Variants in PALM2AKAP2 observed in about 807,000 individuals in gnomAD.
The protein encoded by PALM2AKAP2 is PALM2-AKAP2 fusion protein.
Under a neutral mutation model 71.5 loss-of-function variants are expected in PALM2AKAP2, and 37 were observed. That is an observed-to-expected ratio of 0.52 (90% CI 0.40 to 0.68). The LOEUF (loss-of-function observed/expected upper bound fraction) is 0.68. Among genes scored for constraint, PALM2AKAP2 ranks in the 30% least tolerant of loss-of-function variants. The pLI is 0.00. For missense variants in PALM2AKAP2, 1,224 were observed against 1,191.8 expected (o/e 1.03, Z -0.40); for synonymous variants, 468 against 478.8 (o/e 0.98, Z 0.29).
At chr9:110,026,998 G>A (rs372574500) in intron 7 of PALM2AKAP2, among the ~76,000 whole-genome samples, 3 of 152,114 alleles carry the variant, frequency 2.0e-5, no homozygotes, top group African/African-American at 4.8e-5. Context: ...AGCCGAGATC[G>A]CGCCACTGCA....
intron 1 of PALM2AKAP2, among the ~76,000 whole-genome samples, chr9:109,817,412 G>A (rs1449030785): frequency 6.6e-6 from 1 of 152,210 alleles, no homozygotes; most frequent in African/African-American, 2.4e-5. Context: ...AGGGTAGCAC[G>A]TCTAATCTAA....
At chr9:109,698,000 A>G (rs1827997158) in intron 1 of PALM2AKAP2, among the ~76,000 whole-genome samples, 1 of 152,198 alleles carries the variant, frequency 6.6e-6, no homozygotes, top group Admixed American at 6.5e-5. Flanking sequence ...CAAATTATAC[A>G]CACACATCTG....
rs868203636 is a variant in PALM2AKAP2 at position 110,141,245 on chromosome 9, T to G, written c.2569+2706T>G. On this transcript the variant is annotated intron_variant, in intron 2 of 3. Transcript: ENST00000374525. ...ACCCAGTATCAATCTCCCCAGTACT[T>G]CCCTCTATGCTAATGCTGATCTCTT... is the stretch of plus-strand genomic sequence containing the variant. Among the ~76,000 whole-genome samples the G allele has an allele frequency of 3.9e-5, 6 of 152,178 alleles. No individual in the cohort carries two copies. In the South Asian group the frequency reaches 6.2e-4, roughly 16 times the overall value.
chr9:109,850,051 C>T (rs370816409), intron 1 of PALM2AKAP2, among the ~76,000 whole-genome samples: 25 of 152,272 alleles, frequency 1.6e-4, no homozygotes, highest in African/African-American at 4.8e-4. Context: ...ATGGGTTTCA[C>T]GGGCCCTCAG....
intron 1 of PALM2AKAP2, among the ~76,000 whole-genome samples, chr9:109,663,294 G>A (rs926380202): frequency 6.6e-6 from 1 of 152,130 alleles, no homozygotes; most frequent in African/African-American, 2.4e-5. Flanking sequence ...GTTGATTTTA[G>A]ATCTTTCCTG....
intron 2 of PALM2AKAP2, among the ~76,000 whole-genome samples, chr9:110,150,509 G>A (rs998474280): frequency 6.6e-6 from 1 of 152,086 alleles, no homozygotes; most frequent in African/African-American, 2.4e-5. Context: ...GACCCTCCTA[G>A]TTCCCTCCTA....
At chr9:110,079,941 G>A (rs1399670027) in intron 1 of PALM2AKAP2, among the ~76,000 whole-genome samples, 1 of 151,688 alleles carries the variant, frequency 6.6e-6, no homozygotes, top group Non-Finnish European at 1.5e-5. Flanking sequence ...GTGGTGGCAG[G>A]ATCCTGTAAT....
At chr9:109,912,708 A>G (rs1018839776) in intron 3 of PALM2AKAP2, among the ~76,000 whole-genome samples, 2 of 108,386 alleles carry the variant, frequency 1.8e-5, no homozygotes, top group Non-Finnish European at 4.6e-5. Flanking sequence ...GCTAGATTAG[A>G]TAGATAGATA....
chr9:109,848,977 G>A (rs1244363550), intron 1 of PALM2AKAP2, among the ~76,000 whole-genome samples: 1 of 152,000 alleles, frequency 6.6e-6, no homozygotes, highest in Non-Finnish European at 1.5e-5. Context: ...AATATTTATA[G>A]TGTTAACTTT....
intron 3 of PALM2AKAP2, among the ~76,000 whole-genome samples, chr9:109,908,901 A>G (rs1244058553): frequency 6.6e-6 from 1 of 151,240 alleles, no homozygotes; most frequent in East Asian, 2.0e-4. Context: ...TTTAGGCACA[A>G]TGAGTAAACA....
At chr9:109,805,530 A>C (rs1226983590) in intron 1 of PALM2AKAP2, among the ~76,000 whole-genome samples, 2 of 152,192 alleles carry the variant, frequency 1.3e-5, no homozygotes, top group East Asian at 3.8e-4. Flanking sequence ...CACTGGAAAC[A>C]CAAATGTACA....
intron 1 of PALM2AKAP2, among the ~76,000 whole-genome samples, chr9:109,747,277 A>G (rs1282841369): frequency 1.3e-5 from 2 of 152,190 alleles, no homozygotes; most frequent in Non-Finnish European, 2.9e-5. Context: ...CCCCCAGGCC[A>G]CCACGCTGAT....
chr9:109,734,516 T>C (rs1828601332), intron 1 of PALM2AKAP2, among the ~76,000 whole-genome samples: 1 of 152,224 alleles, frequency 6.6e-6, no homozygotes, highest in South Asian at 2.1e-4. Flanking sequence ...TCTACCACAT[T>C]GATGTAATAG....
rs144860157 is a variant in PALM2AKAP2 at position 109,830,847 on chromosome 9, C to T, written c.46-36644C>T. ...CTGAAGGTCACGCAGTCAGCATTGA[C>T]GAAGTCTACACTAGAATCCAGGCCT... On this transcript the variant is annotated intron_variant, in intron 1 of 9. Transcript: ENST00000302798. Among the ~76,000 whole-genome samples, 745 of 152,232 alleles carry T rather than the reference C, an allele frequency of 4.9e-3. 2 individuals are homozygous for T. The highest frequency in any genetic ancestry group is 6.9e-3 in the Admixed American group (106 of 15,298).
intron 1 of PALM2AKAP2, among the ~76,000 whole-genome samples, chr9:110,087,524 C>G (rs1834601278): frequency 6.6e-6 from 1 of 152,138 alleles, no homozygotes; most frequent in African/African-American, 2.4e-5. Context: ...CCAGCCTTAT[C>G]GTGGTTTGGA....
rs866663549 is a variant in PALM2AKAP2, at chr9:110,091,663, C to T, written c.156+42808C>T. Among the ~76,000 whole-genome samples the T allele has an allele frequency of 1.4e-4, 22 of 152,010 alleles. 1 individual carries two copies. The highest frequency in any genetic ancestry group is 3.9e-4 in the African/African-American group (16 of 41,444). On this transcript the variant is annotated intron_variant, in intron 1 of 3. Coordinates refer to ENST00000374525, the Ensembl canonical transcript of PALM2AKAP2. ...ATTTTTAGTAGAGATGGGGTTTCACCGTGTTAGCCAGGATGGTCTTGATCT... is the reference window on the plus strand; with the variant it reads ...ATTTTTAGTAGAGATGGGGTTTCACTGTGTTAGCCAGGATGGTCTTGATCT...
At chr9:109,955,803 G>A (rs1831735413) in intron 6 of PALM2AKAP2, among the ~76,000 whole-genome samples, 1 of 151,912 alleles carries the variant, frequency 6.6e-6, no homozygotes, top group East Asian at 2.0e-4. Flanking sequence ...TGGGTGTAGT[G>A]GTGCGTATCT....
intron 1 of PALM2AKAP2, among the ~76,000 whole-genome samples, chr9:110,135,172 A>ATATATATATATATATATATATATAT (rs58573716): frequency 1.6e-5 from 1 of 61,100 alleles, no homozygotes; most frequent in African/African-American, 6.1e-5. Context: ...AAAATATATA[A>ATATATATATATATATATATATATAT]ATATATATAT....
chr9:109,835,112 C>T lies in PALM2AKAP2; in HGVS notation c.46-32379C>T, dbSNP rs185957866. Among the ~76,000 whole-genome samples, 366 of 151,648 alleles carry T rather than the reference C, an allele frequency of 2.4e-3. 4 individuals carry two copies. The highest frequency in any genetic ancestry group is 8.3e-3 in the African/African-American group (341 of 41,294). On this transcript the variant is annotated intron_variant, in intron 1 of 9. Transcript: ENST00000302798. Reference sequence around the variant, plus strand: ...GACACCTGGCATTTGTGTTTAACAGCCCCAGTGGTTGAGAAGCAGAGGGGA... The same window carrying T: ...GACACCTGGCATTTGTGTTTAACAGTCCCAGTGGTTGAGAAGCAGAGGGGA...
Sources: allele counts gnomAD v4.1 joint callset (sites outside exome capture counted in the v4.1 genomes callset), GRCh38; gene constraint gnomAD v4.1.1; transcripts MANE v1.5; gene names NCBI Gene and HGNC (gene_info 2026-07-23, HGNC 2026-07-21).